FGF12: variants seen among roughly 807,000 people sequenced by gnomAD.
FGF12 encodes fibroblast growth factor 12.
Under a neutral mutation model 23.6 loss-of-function variants are expected in FGF12, and 14 were observed. The observed-to-expected ratio is 0.59, with a 90% CI of 0.39 to 0.93. FGF12 has a LOEUF of 0.93. Among genes scored for constraint, FGF12 ranks in the 40% least tolerant of loss-of-function variants. FGF12 has a pLI of 0.00. For missense variants in FGF12, 175 were observed against 217.8 expected (o/e 0.80, Z 1.24); for synonymous variants, 62 against 77.3 (o/e 0.80, Z 1.04).
chr3:192,661,292 C>T (rs11919454), intron 2 of FGF12, among the ~76,000 whole-genome samples: 18,994 of 152,200 alleles, frequency 0.12, 1,345 homozygotes, highest in South Asian at 0.22. Context: ...GAGGCCAAGG[C>T]GGGCGGATCA....
intron 4 of FGF12, among the ~76,000 whole-genome samples, chr3:192,308,716 A>T (rs28693813): frequency 0.015 from 2,333 of 152,116 alleles, 62 homozygotes; most frequent in African/African-American, 0.054. Flanking sequence ...AAATAAATTT[A>T]AAAAAATAAA....
At chr3:192,314,259 T>A (rs11917618) in intron 4 of FGF12, among the ~76,000 whole-genome samples, 5,499 of 151,760 alleles carry the variant, frequency 0.036, 321 homozygotes, top group African/African-American at 0.13. Flanking sequence ...CATGGTAAAG[T>A]ATATTGCTTA....
intron 2 of FGF12, among the ~76,000 whole-genome samples, chr3:192,453,887 TA>T (rs1216569080): frequency 1.3e-5 from 2 of 152,220 alleles, no homozygotes; most frequent in Non-Finnish European, 2.9e-5. Flanking sequence ...AAACTTGAAG[TA>T]TTTTTAATAA....
At chr3:192,624,790 G>C (rs1057002426) in intron 2 of FGF12, among the ~76,000 whole-genome samples, 1 of 152,156 alleles carries the variant, frequency 6.6e-6, no homozygotes, top group African/African-American at 2.4e-5. Context: ...TAATCACATA[G>C]TTTAAAAACC....
chr3:192,353,499 A>G lies in FGF12; in HGVS notation c.124+6929T>C, dbSNP rs1269278917. ...ATTCTCCTGCCTCAGCCTCCCGAGT[A>G]GCCAGGACTACAGGCGCCCGCCACC... On this transcript the variant is annotated intron_variant, in intron 3 of 5. Coordinates refer to ENST00000445105, the MANE Select transcript of FGF12 (RefSeq NM_004113.6). 2.0e-5 allele frequency among the ~76,000 whole-genome samples: 3 copies of G among 150,844 alleles called. No individual in the cohort carries two copies. In the Admixed American group the frequency reaches 2.0e-4, roughly 10 times the overall value.
At chr3:192,677,794 G>A (rs940608709) in intron 2 of FGF12, among the ~76,000 whole-genome samples, 7 of 152,098 alleles carry the variant, frequency 4.6e-5, no homozygotes, top group Admixed American at 2.0e-4. Context: ...TACCCTAAGC[G>A]GACTCCCAGG....
chr3:192,597,517 G>A (rs541101772), intron 2 of FGF12, among the ~76,000 whole-genome samples: 34 of 149,698 alleles, frequency 2.3e-4, no homozygotes, highest in Admixed American at 5.3e-4. Context: ...AGCCACAAAG[G>A]GGAAAAAAGG....
intron 2 of FGF12, among the ~76,000 whole-genome samples, chr3:192,426,074 C>T (rs921252078): frequency 6.6e-6 from 1 of 152,164 alleles, no homozygotes; most frequent in Non-Finnish European, 1.5e-5. Context: ...AGTAGAAAAA[C>T]ACATATAAAT....
At chr3:192,641,787 T>C (rs576335254) in intron 2 of FGF12, among the ~76,000 whole-genome samples, 13 of 152,336 alleles carry the variant, frequency 8.5e-5, no homozygotes, top group African/African-American at 3.1e-4. Flanking sequence ...TCCATGCTCC[T>C]AAATAAAAAG....
chr3:192,169,152 C>A (rs112059796), intron 5 of FGF12, among the ~76,000 whole-genome samples: 3,408 of 152,122 alleles, frequency 0.022, 113 homozygotes, highest in African/African-American at 0.078. Context: ...ACCAGCCTGG[C>A]CAACATGGCG....
chr3:192,571,087 A>AGGG (rs755363377), intron 2 of FGF12, among the ~76,000 whole-genome samples: 22,549 of 151,794 alleles, frequency 0.15, 2,042 homozygotes, highest in Middle Eastern at 0.31. Flanking sequence ...GTTGGGGGGA[A>AGGG]AAAACAAACC....
intron 4 of FGF12, among the ~76,000 whole-genome samples, chr3:192,311,768 TG>T (rs1405815926): frequency 1.3e-5 from 2 of 152,186 alleles, no homozygotes; most frequent in African/African-American, 4.8e-5. Context: ...TCACTAGCAG[TG>T]TATAAGAGTT....
intron 2 of FGF12, among the ~76,000 whole-genome samples, chr3:192,571,914 C>T (rs1307684741): frequency 6.6e-6 from 1 of 151,236 alleles, no homozygotes; most frequent in African/African-American, 2.4e-5. Context: ...TTCTGAGGGT[C>T]CATATAGTGG....
intron 4 of FGF12, among the ~76,000 whole-genome samples, chr3:192,198,425 G>GA (rs947469692): frequency 5.4e-5 from 8 of 149,246 alleles, no homozygotes; most frequent in East Asian, 2.0e-4. Flanking sequence ...CTGAGCAAAT[G>GA]AAAAAAAAAG....
chr3:192,474,988 C>A (rs960637490), intron 2 of FGF12, among the ~76,000 whole-genome samples: 5 of 152,074 alleles, frequency 3.3e-5, no homozygotes, highest in South Asian at 4.2e-4. Flanking sequence ...GAGTCTTTTG[C>A]CTAGTTCTTG....
At chr3:192,499,567 G>A (rs1243866526) in intron 2 of FGF12, among the ~76,000 whole-genome samples, 3 of 110,180 alleles carry the variant, frequency 2.7e-5, no homozygotes, top group Admixed American at 1.3e-4. Context: ...AGTCTTGCTC[G>A]GTCGCCCAGG....
chr3:192,176,676 T>C (rs1715880308), intron 4 of FGF12, among the ~76,000 whole-genome samples: 1 of 152,226 alleles, frequency 6.6e-6, no homozygotes. Flanking sequence ...GAAGATTAAG[T>C]AAAATGACAA....
intron 4 of FGF12, among the ~76,000 whole-genome samples, chr3:192,296,062 C>CTTTTTT (rs34021285): frequency 3.6e-4 from 28 of 78,098 alleles, no homozygotes; most frequent in Non-Finnish European, 5.2e-4. Context: ...GTTTTTCTTT[C>CTTTTTT]TTTTTTTTTT....
At chr3:192,217,740 C>T (rs1447316015) in intron 4 of FGF12, among the ~76,000 whole-genome samples, 2 of 151,968 alleles carry the variant, frequency 1.3e-5, no homozygotes, top group Non-Finnish European at 2.9e-5. Context: ...TTTTAAAATC[C>T]TAATTTAAAA....
Sources: gnomAD v4.1 joint callset for allele counts (sites outside exome capture counted in the v4.1 genomes callset) on GRCh38, gnomAD v4.1.1 for gene constraint, MANE v1.5 for transcripts, NCBI Gene and HGNC (gene_info 2026-07-23, HGNC 2026-07-21) for gene names.